Variants in TAOK1 observed in about 807,000 individuals in gnomAD.
TAOK1 encodes the protein serine/threonine-protein kinase TAO1.
A neutral mutation model predicts 138.3 loss-of-function variants in TAOK1; 21 were observed. That is an observed-to-expected ratio of 0.15 (90% CI 0.11 to 0.22). TAOK1 has a LOEUF of 0.22. Among genes scored for constraint, TAOK1 ranks in the 10% least tolerant of loss-of-function variants. The pLI is 1.00. For synonymous variants in TAOK1, 361 were observed against 398.4 expected, an observed-to-expected ratio of 0.91 and a Z score of 1.12; for missense variants, 651 against 1,227.7, an observed-to-expected ratio of 0.53 and a Z score of 7.02.
Position 29,400,776 on chromosome 17 carries a change from T to C in TAOK1, c.-95+9752T>C, listed in dbSNP as rs1598464452. 2.0e-5 allele frequency among the ~76,000 whole-genome samples: 3 copies of C among 152,310 alleles called. No individual in the cohort carries two copies. In the East Asian group the frequency reaches 5.8e-4, roughly 29 times the overall value. On this transcript the variant is annotated intron_variant, in intron 1 of 19. Coordinates refer to ENST00000261716, the MANE Select transcript of TAOK1 (RefSeq NM_020791.4). ...AAGCCAGTGCTTTCAAACTTTAGTT[T>C]GTGATCCATTAATGGCTTGTAAATT...
In TAOK1 at chr17:29,507,979, T is replaced by C; in HGVS notation, c.1422T>C (p.His474=). ...MSGYKRMRRQ[H]QKQLMTLENK... is the part of the protein sequence containing the mutation. ...GCTATAAGCGAATGAGGCGACAACATCAAAAGCAACTGATGACTCTGGAAA... is the reference window on the plus strand; with the variant it reads ...GCTATAAGCGAATGAGGCGACAACACCAAAAGCAACTGATGACTCTGGAAA... Residue 474 remains histidine (H), a synonymous_variant, in exon 14 of 20, where the codon CAT becomes CAC. Transcript: ENST00000261716. The C allele has an allele frequency of 6.2e-7, 1 of 1,614,010 alleles. No homozygotes were observed. Among genetic ancestry groups the C allele is most frequent in the East Asian group, 2.2e-5 (1 of 44,876 alleles).
intron 16 of TAOK1, among the ~76,000 whole-genome samples, chr17:29,520,939 C>T (rs989776744): frequency 5.3e-5 from 8 of 151,720 alleles, no homozygotes; most frequent in African/African-American, 1.5e-4. Flanking sequence ...CAGGAAGAAT[C>T]ACTTGAACTC....
At chr17:29,478,590 T>G (rs1368389031) in intron 6 of TAOK1, among the ~76,000 whole-genome samples, 2 of 152,224 alleles carry the variant, frequency 1.3e-5, no homozygotes, top group Non-Finnish European at 2.9e-5. Flanking sequence ...TTTCTAGATT[T>G]GTGGTAGAAA....
chr17:29,400,468 C>T (rs1238864866), intron 1 of TAOK1, among the ~76,000 whole-genome samples: 1 of 151,632 alleles, frequency 6.6e-6, no homozygotes, highest in Non-Finnish European at 1.5e-5. Flanking sequence ...ATTTGGTATC[C>T]CTCTTCTACC....
intron 19 of TAOK1, among the ~76,000 whole-genome samples, chr17:29,541,211 G>A (rs1009326700): frequency 6.6e-6 from 1 of 151,856 alleles, no homozygotes; most frequent in Non-Finnish European, 1.5e-5. Context: ...CCAGGTTCAA[G>A]TGATTCTCCT....
chr17:29,409,334 T>TATATATATATA (rs1491526747), intron 1 of TAOK1, among the ~76,000 whole-genome samples: 4 of 44,512 alleles, frequency 9.0e-5, no homozygotes, highest in African/African-American at 1.9e-4. Flanking sequence ...TATATATATA[T>TATATATATATA]TTTTTTTTTT....
chr17:29,439,864 TAAAAAAAAA>T (rs371960597), intron 1 of TAOK1, among the ~76,000 whole-genome samples: 22,849 of 118,188 alleles, frequency 0.19, 1,954 homozygotes, highest in Admixed American at 0.26. Context: ...CTCTGTCTCC[TAAAAAAAAA>T]AAAAAAAAAA....
At chr17:29,420,585 G>GTTTTTTTTTTTTTTTTTTTTTTTTGTT (rs71360703) in intron 1 of TAOK1, among the ~76,000 whole-genome samples, 1 of 123,530 alleles carries the variant, frequency 8.1e-6, no homozygotes, top group African/African-American at 3.1e-5. Context: ...TACTTAATCT[G>GTTTTTTTTTTTTTTTTTTTTTTTTGTT]TTTTTTTTTT....
chr17:29,394,150 G>GGTTT (rs1904513941), intron 1 of TAOK1, among the ~76,000 whole-genome samples: 5 of 48,248 alleles, frequency 1.0e-4, no homozygotes, highest in Non-Finnish European at 1.8e-4. Context: ...TAATTTGCCA[G>GGTTT]TTTTTTTTTT....
intron 2 of TAOK1, among the ~76,000 whole-genome samples, chr17:29,461,538 T>G (rs896910361): frequency 6.6e-6 from 1 of 152,270 alleles, no homozygotes; most frequent in Non-Finnish European, 1.5e-5. Flanking sequence ...TTTGTTCAGC[T>G]CCTAAACTAA....
At chr17:29,534,375 T>C (rs1462258795) in intron 19 of TAOK1, 75 bp downstream of exon 19, 3 of 1,325,018 alleles carry the variant, frequency 2.3e-6, no homozygotes, top group Non-Finnish European at 3.0e-6. Flanking sequence ...TATATTTTCA[T>C]GTTGGCAGAG....
At chr17:29,507,560 T>C (rs1372153120) in intron 13 of TAOK1, among the ~76,000 whole-genome samples, 2 of 152,210 alleles carry the variant, frequency 1.3e-5, no homozygotes. Context: ...ATTGAACATA[T>C]GTGGATCTCT....
intron 13 of TAOK1, among the ~76,000 whole-genome samples, chr17:29,506,912 C>A (rs976988453): frequency 6.6e-6 from 1 of 152,028 alleles, no homozygotes; most frequent in Non-Finnish European, 1.5e-5. Flanking sequence ...GAATTTTATT[C>A]AGCTATAAAA....
At chr17:29,515,548 T>C (rs574264181) in intron 15 of TAOK1, among the ~76,000 whole-genome samples, 1 of 152,228 alleles carries the variant, frequency 6.6e-6, no homozygotes, top group Non-Finnish European at 1.5e-5. Flanking sequence ...TCAAGAAAGA[T>C]CTAAAGGCCG....
At position 29,476,790 on chromosome 17, in the gene TAOK1, C is replaced by T. The variant is rs947358371; in HGVS notation, c.307-871C>T. ...GTGAATGCCATGTAAATAGTTGTTA[C>T]GTTATATTGGCTTTTTGTTTTATTT... On this transcript the variant is annotated intron_variant, in intron 4 of 19. Transcript: ENST00000261716. 3.9e-5 allele frequency among the ~76,000 whole-genome samples: 6 copies of T among 151,912 alleles called. 1 individual carries two copies. In the South Asian group the frequency reaches 6.2e-4, roughly 16 times the overall value.
intron 1 of TAOK1, among the ~76,000 whole-genome samples, chr17:29,398,405 C>G (rs7212351): frequency 0.46 from 69,985 of 151,724 alleles, 18,126 homozygotes; most frequent in East Asian, 0.88. Context: ...CGGGGTTTCT[C>G]CATGTTGGTC....
chr17:29,481,742 C>T (rs2031068120), intron 7 of TAOK1, among the ~76,000 whole-genome samples: 4 of 151,792 alleles, frequency 2.6e-5, no homozygotes, highest in Admixed American at 6.6e-5. Flanking sequence ...GGCGGATCAC[C>T]AGGTCAGGAG....
intron 3 of TAOK1, among the ~76,000 whole-genome samples, chr17:29,474,628 A>C (rs2030900865): frequency 6.6e-6 from 1 of 152,202 alleles, no homozygotes; most frequent in South Asian, 2.1e-4. Flanking sequence ...TCACCATCTT[A>C]TATGGGCACA....
Position 29,477,710 on chromosome 17 carries a change from A to G in TAOK1, c.352+4A>G, listed in dbSNP as rs1214140461. 1.7e-5 allele frequency: 24 copies of G among 1,403,466 alleles called. No homozygotes were observed. The East Asian group carries it at 6.4e-4, about 37-fold the overall frequency. 86.9% of individuals were successfully genotyped at this position (1,403,466 alleles called of 1,614,324 possible). Reference sequence around the variant, plus strand: ...TCTGCTTCGGATTTACTAGAAGGTAAGTTCCCTTTGATTATTTTTTAAAAA... The same window carrying G: ...TCTGCTTCGGATTTACTAGAAGGTAGGTTCCCTTTGATTATTTTTTAAAAA... On this transcript the variant is annotated splice_donor_region_variant and intron_variant, in intron 5 of 19. Transcript: ENST00000261716.
Sources: allele counts gnomAD v4.1 joint callset (sites outside exome capture counted in the v4.1 genomes callset), GRCh38; gene constraint gnomAD v4.1.1; transcripts MANE v1.5; gene names NCBI Gene and HGNC (gene_info 2026-07-23, HGNC 2026-07-21).